The following SPTSSB variants were observed in gnomAD, a reference collection of about 807,000 sequenced individuals.
SPTSSB encodes the protein androgen down regulated in mouse prostate.
A neutral mutation model predicts 7.7 loss-of-function variants in SPTSSB; 6 were observed. The ratio of observed to expected loss-of-function variants is 0.78; its 90% CI spans 0.43 to 1.54. The LOEUF (loss-of-function observed/expected upper bound fraction) is 1.54. SPTSSB is among the 40% of genes most tolerant of loss of function. SPTSSB has a pLI of 0.01. For missense variants in SPTSSB, 91 were observed against 93.0 expected, an observed-to-expected ratio of 0.98 and a Z score of 0.09; for synonymous variants, 28 against 29.7, an observed-to-expected ratio of 0.94 and a Z score of 0.19.
intron 2 of SPTSSB, among the ~76,000 whole-genome samples, chr3:161,356,854 G>A (rs1035259517): frequency 6.6e-6 from 1 of 152,030 alleles, no homozygotes; most frequent in African/African-American, 2.4e-5. Context: ...TGGAGGCTGG[G>A]CGTGGTAATC....
chr3:161,348,019 A>G (rs1465032300), intron 2 of SPTSSB: 2 of 152,232 alleles, frequency 1.3e-5, no homozygotes, highest in East Asian at 1.9e-4. Context: ...TCTCAAAGGC[A>G]TCACAGTCAG....
intron 2 of SPTSSB, among the ~76,000 whole-genome samples, chr3:161,347,690 G>A (rs1714318313): frequency 6.6e-6 from 1 of 151,954 alleles, no homozygotes; most frequent in Admixed American, 6.6e-5. Context: ...TGGCCAACAT[G>A]GTGAAACCCT....
intron 2 of SPTSSB, among the ~76,000 whole-genome samples, chr3:161,356,574 T>G (rs73162554): frequency 0.04 from 6,074 of 152,290 alleles, 144 homozygotes; most frequent in African/African-American, 0.055. Flanking sequence ...CTTTTCACTT[T>G]TTTGGGTAAT....
At chr3:161,369,324 C>CTTTT (rs1214186508) in intron 1 of SPTSSB, among the ~76,000 whole-genome samples, 2 of 60,164 alleles carry the variant, frequency 3.3e-5, no homozygotes, top group Non-Finnish European at 6.2e-5. Context: ...CTCTTTCTTT[C>CTTTT]TTTCTTTCTT....
At chr3:161,356,136 C>G (rs1714762504) in intron 2 of SPTSSB, among the ~76,000 whole-genome samples, 2 of 152,138 alleles carry the variant, frequency 1.3e-5, no homozygotes, top group Admixed American at 6.5e-5. Context: ...AGCCAAACCC[C>G]CAAGAACCTT....
intron 2 of SPTSSB, among the ~76,000 whole-genome samples, chr3:161,349,450 G>A (rs1714418537): frequency 1.3e-5 from 2 of 152,172 alleles, no homozygotes; most frequent in Non-Finnish European, 1.5e-5. Flanking sequence ...TAGAGACCTA[G>A]TGCTGTATCT....
chr3:161,346,462 A>G (rs1714243011), intron 2 of SPTSSB, 107 bp from the exon 3 acceptor site: 1 of 562,736 alleles, frequency 1.8e-6, no homozygotes, highest in African/African-American at 1.9e-5. Context: ...GTTAAAGATC[A>G]TTGAATATAT....
intron 1 of SPTSSB, among the ~76,000 whole-genome samples, chr3:161,361,693 C>T (rs1051428475): frequency 1.3e-5 from 2 of 152,114 alleles, no homozygotes; most frequent in Admixed American, 6.6e-5. Flanking sequence ...TAGTAACTTT[C>T]GTCACAATTA....
intron 1 of SPTSSB, among the ~76,000 whole-genome samples, chr3:161,369,524 T>C (rs940783928): frequency 4.0e-5 from 6 of 151,616 alleles, no homozygotes; most frequent in African/African-American, 1.5e-4. Flanking sequence ...AATTGGCTGT[T>C]TCTACCTGCT....
At chr3:161,347,055 C>A (rs1195802987) in intron 2 of SPTSSB, among the ~76,000 whole-genome samples, 1 of 152,078 alleles carries the variant, frequency 6.6e-6, no homozygotes, top group Non-Finnish European at 1.5e-5. Flanking sequence ...ATGCTGCATT[C>A]TGGAGTCAAG....
chr3:161,364,095 GT>G (rs1715121973), intron 1 of SPTSSB, among the ~76,000 whole-genome samples: 1 of 151,946 alleles, frequency 6.6e-6, no homozygotes, highest in Non-Finnish European at 1.5e-5. Context: ...TGTAGATCCT[GT>G]GGCAGGTTTA....
intron 2 of SPTSSB, among the ~76,000 whole-genome samples, chr3:161,348,665 A>G (rs1271394357): frequency 6.6e-6 from 1 of 152,232 alleles, no homozygotes; most frequent in East Asian, 1.9e-4. Flanking sequence ...ATACTTCTGC[A>G]CTGCTAACCA....
At position 161,363,663 on chromosome 3, in the gene SPTSSB, A is replaced by G. The variant is rs571216343; in HGVS notation, c.-125-3769T>C. Among the ~76,000 whole-genome samples, 292 of 152,170 alleles carry G rather than the reference A, an allele frequency of 1.9e-3. 1 individual carries two copies. Among genetic ancestry groups the G allele is most frequent in the African/African-American group, 6.4e-3 (268 of 41,570 alleles). On this transcript the variant is annotated intron_variant, in intron 1 of 2. Coordinates refer to ENST00000620149, the MANE Select transcript of SPTSSB (RefSeq NM_001040100.2). ...TTGTTAACACTTTGGAGTTTTTTCT[A>G]TGCATGTTTTACTTTCACACTTGAT...
At chr3:161,361,662 G>A (rs1166951614) in intron 1 of SPTSSB, among the ~76,000 whole-genome samples, 3 of 152,114 alleles carry the variant, frequency 2.0e-5, no homozygotes, top group South Asian at 2.1e-4. Flanking sequence ...GTGATGACTG[G>A]TCTTAGTAAA....
At chr3:161,346,643 G>A (rs1306800203) in intron 2 of SPTSSB, among the ~76,000 whole-genome samples, 4 of 152,070 alleles carry the variant, frequency 2.6e-5, no homozygotes, top group African/African-American at 9.7e-5. Context: ...TAGTGATAAT[G>A]GTACCTAAAA....
intron 1 of SPTSSB, among the ~76,000 whole-genome samples, chr3:161,363,479 A>C (rs1437480690): frequency 1.3e-5 from 2 of 151,994 alleles, no homozygotes; most frequent in Admixed American, 6.6e-5. Flanking sequence ...TTAATCACAA[A>C]GAATAATTTC....
At chr3:161,353,377 A>G in intron 2 of SPTSSB, among the ~76,000 whole-genome samples, 1 of 152,202 alleles carries the variant, frequency 6.6e-6, no homozygotes, top group East Asian at 1.9e-4. Context: ...TTTGATGGGG[A>G]AAAAACTACC....
At chr3:161,368,349 C>G (rs558066867) in intron 1 of SPTSSB, among the ~76,000 whole-genome samples, 1 of 151,996 alleles carries the variant, frequency 6.6e-6, no homozygotes, top group African/African-American at 2.4e-5. Context: ...TCATGACAGT[C>G]AATTTTAGAC....
chr3:161,348,266 A>G (rs909823613), intron 2 of SPTSSB, among the ~76,000 whole-genome samples: 7 of 135,106 alleles, frequency 5.2e-5, no homozygotes, highest in Non-Finnish European at 3.1e-5. Flanking sequence ...ACAAAACAAA[A>G]CAAAACAAAA....
Sources: allele counts gnomAD v4.1 joint callset (sites outside exome capture counted in the v4.1 genomes callset), GRCh38; gene constraint gnomAD v4.1.1; transcripts MANE v1.5; gene names NCBI Gene and HGNC (gene_info 2026-07-23, HGNC 2026-07-21).